The following SLC44A5 variants were observed in gnomAD, a reference collection of about 807,000 sequenced individuals.
SLC44A5 encodes the protein choline transporter-like protein 5.
Under a neutral mutation model 101.8 loss-of-function variants are expected in SLC44A5, and 57 were observed. The ratio of observed to expected loss-of-function variants is 0.56; its 90% CI spans 0.45 to 0.70. The LOEUF (loss-of-function observed/expected upper bound fraction) is 0.70, where lower values mean the gene tolerates loss of function less well. Ranked by LOEUF, SLC44A5 falls within the 30% of genes least tolerant of loss-of-function variation. The pLI is 0.00. For synonymous variants in SLC44A5, 281 were observed against 290.9 expected, an observed-to-expected ratio of 0.97 and a Z score of 0.35; for missense variants, 737 against 853.1, an observed-to-expected ratio of 0.86 and a Z score of 1.70.
At chr1:75,222,529 G>A in intron 13 of SLC44A5, 69 bp from the exon 14 acceptor site, 2 of 897,544 alleles carry the variant, frequency 2.2e-6, no homozygotes, top group Non-Finnish European at 3.6e-6. Flanking sequence ...CCCTGCAAAT[G>A]CTAGGATTGA....
chr1:75,659,208 T>C, the SLC44A5 span, among the ~76,000 whole-genome samples: 1 of 151,010 alleles, frequency 6.6e-6, no homozygotes, highest in Non-Finnish European at 1.5e-5. Flanking sequence ...AGAAAACTAA[T>C]ATTGATTCTA....
At chr1:75,703,692 C>T in the SLC44A5 span, among the ~76,000 whole-genome samples, 1 of 151,950 alleles carries the variant, frequency 6.6e-6, no homozygotes, top group East Asian at 1.9e-4. Context: ...AAAATGCACT[C>T]CTCAGAGAGT....
intron 2 of SLC44A5, among the ~76,000 whole-genome samples, chr1:75,513,352 C>T (rs1336808447): frequency 6.6e-6 from 1 of 152,178 alleles, no homozygotes; most frequent in Non-Finnish European, 1.5e-5. Flanking sequence ...CTTGGCTTCT[C>T]AAATTCATAG....
chr1:75,678,339 C>A, the SLC44A5 span, among the ~76,000 whole-genome samples: 1 of 152,188 alleles, frequency 6.6e-6, no homozygotes, highest in African/African-American at 2.4e-5. Flanking sequence ...ACAGCAGTAA[C>A]CTCTGCAGAC....
At chr1:75,674,561 G>T in the SLC44A5 span, among the ~76,000 whole-genome samples, 1 of 152,050 alleles carries the variant, frequency 6.6e-6, no homozygotes, top group Non-Finnish European at 1.5e-5. Flanking sequence ...TGTATTTTTA[G>T]TAGAGACAGG....
At chr1:75,646,920 A>T in the SLC44A5 span, among the ~76,000 whole-genome samples, 1 of 152,348 alleles carries the variant, frequency 6.6e-6, no homozygotes, top group Admixed American at 6.5e-5. Flanking sequence ...GCAGGCTGAC[A>T]ATGCAAAAGA....
At chr1:75,251,341 C>T in intron 6 of SLC44A5, 47 bp from the exon 7 acceptor site, 2 of 1,480,348 alleles carry the variant, frequency 1.4e-6, no homozygotes, top group Non-Finnish European at 1.9e-6. Flanking sequence ...TGGAAATGTT[C>T]CATATCATTT....
intron 12 of SLC44A5, among the ~76,000 whole-genome samples, chr1:75,232,159 TA>T (rs1647632750): frequency 6.6e-6 from 1 of 152,166 alleles, no homozygotes; most frequent in African/African-American, 2.4e-5. Flanking sequence ...TTTGGGTTAA[TA>T]CTATCTAGGG....
chr1:75,357,655 G>A (rs1659179417), intron 3 of SLC44A5, among the ~76,000 whole-genome samples: 1 of 152,110 alleles, frequency 6.6e-6, no homozygotes, highest in African/African-American at 2.4e-5. Flanking sequence ...CTTTGAAAGA[G>A]GGTTAAGAAA....
intron 1 of SLC44A5, among the ~76,000 whole-genome samples, chr1:75,581,391 A>T (rs983961971): frequency 3.7e-4 from 56 of 152,326 alleles, no homozygotes; most frequent in African/African-American, 1.2e-3. Context: ...ACTGGCTTAT[A>T]CTCAAAAGGC....
rs865977117 is a variant in SLC44A5, at chr1:75,202,803, T to G, written c.*924A>C. The stretch of plus-strand genomic sequence containing the variant: ...ACTGAGAAATGCAGTATTATACCTA[T>G]TGTATTTTCAAAGATCTACTATAGA... On this transcript the variant is annotated 3_prime_UTR_variant, in exon 24 of 24. Coordinates refer to ENST00000370859, the MANE Select transcript of SLC44A5 (RefSeq NM_001130058.2). 6.6e-6 allele frequency: 1 copy of G among 152,158 alleles called. No homozygotes were observed. The highest frequency in any genetic ancestry group is 1.5e-5 in the Non-Finnish European group (1 of 68,024). 9.4% of individuals were successfully genotyped at this position (152,158 alleles called of 1,614,324 possible).
At chr1:75,676,877 G>A in the SLC44A5 span, among the ~76,000 whole-genome samples, 1 of 152,120 alleles carries the variant, frequency 6.6e-6, no homozygotes, top group Admixed American at 6.5e-5. Flanking sequence ...AGCAGAAAGA[G>A]AAAAGAAACA....
chr1:75,684,250 C>T, the SLC44A5 span, among the ~76,000 whole-genome samples: 5 of 152,166 alleles, frequency 3.3e-5, no homozygotes, highest in East Asian at 7.7e-4. Context: ...GGGATTATTA[C>T]AATTCAAAGT....
At chr1:75,410,907 C>T (rs1421924688) in intron 2 of SLC44A5, among the ~76,000 whole-genome samples, 3 of 152,018 alleles carry the variant, frequency 2.0e-5, no homozygotes, top group Non-Finnish European at 4.4e-5. Flanking sequence ...ATAGTGAGAC[C>T]CTGTCTCTGC....
the SLC44A5 span, among the ~76,000 whole-genome samples, chr1:75,644,457 T>TA: frequency 1.3e-5 from 2 of 152,004 alleles, no homozygotes; most frequent in African/African-American, 4.8e-5. Flanking sequence ...AGTTCACCTC[T>TA]AAAAAAGCTA....
the SLC44A5 span, among the ~76,000 whole-genome samples, chr1:75,626,583 C>A: frequency 1.3e-5 from 2 of 152,092 alleles, no homozygotes; most frequent in South Asian, 4.1e-4. Flanking sequence ...TTGATGAATT[C>A]TATTTGCTTT....
intron 4 of SLC44A5, among the ~76,000 whole-genome samples, chr1:75,333,052 G>GA (rs1487259912): frequency 6.6e-6 from 1 of 151,472 alleles, no homozygotes; most frequent in Non-Finnish European, 1.5e-5. Context: ...AAAACCTATA[G>GA]AAAAAAAGAA....
At chr1:75,391,573 C>T (rs761434349) in intron 3 of SLC44A5, among the ~76,000 whole-genome samples, 1 of 152,118 alleles carries the variant, frequency 6.6e-6, no homozygotes, top group Non-Finnish European at 1.5e-5. Flanking sequence ...AGCTGCACTC[C>T]TACAACCAAC....
At chr1:75,575,739 G>A (rs997669583) in intron 1 of SLC44A5, among the ~76,000 whole-genome samples, 1 of 152,136 alleles carries the variant, frequency 6.6e-6, no homozygotes, top group African/African-American at 2.4e-5. Context: ...AATCTGAGCT[G>A]ACCTTGTGTG....
Sources: allele counts gnomAD v4.1 joint callset (sites outside exome capture counted in the v4.1 genomes callset), GRCh38; gene constraint gnomAD v4.1.1; transcripts MANE v1.5; gene names NCBI Gene and HGNC (gene_info 2026-07-23, HGNC 2026-07-21).